The following CNTN3 variants were observed in gnomAD, a reference collection of about 807,000 sequenced individuals.
CNTN3 encodes the protein contactin-3.
A neutral mutation model predicts 119.1 loss-of-function variants in CNTN3; 60 were observed. The ratio of observed to expected loss-of-function variants is 0.50; its 90% CI spans 0.41 to 0.62. The LOEUF (loss-of-function observed/expected upper bound fraction) is 0.62, where lower values mean the gene tolerates loss of function less well. Among genes scored for constraint, CNTN3 ranks in the 20% least tolerant of loss-of-function variants. The probability of loss-of-function intolerance (pLI) is 0.00; values close to 1 mark genes in which losing one functional copy is unlikely to be tolerated. For synonymous variants in CNTN3, 450 were observed against 438.7 expected, an observed-to-expected ratio of 1.03 and a Z score of -0.32; for missense variants, 1,101 against 1,242.4, an observed-to-expected ratio of 0.89 and a Z score of 1.71.
chr3:74,511,776 T>A, intron 2 of CNTN3, among the ~76,000 whole-genome samples: 1 of 152,196 alleles, frequency 6.6e-6, no homozygotes, highest in East Asian at 1.9e-4. Context: ...GACTTGTTTA[T>A]ATATTGTCTA....
chr3:74,477,602 T>G (rs1183513500), intron 4 of CNTN3, among the ~76,000 whole-genome samples: 1 of 151,856 alleles, frequency 6.6e-6, no homozygotes, highest in African/African-American at 2.4e-5. Flanking sequence ...TTAGGGGTGG[T>G]TAGGGAGGTG....
At chr3:74,460,816 TATG>T (rs1702353099) in intron 4 of CNTN3, among the ~76,000 whole-genome samples, 1 of 128,198 alleles carries the variant, frequency 7.8e-6, no homozygotes, top group Non-Finnish European at 1.7e-5. Flanking sequence ...TATATATATA[TATG>T]CCTTTCATTT....
At chr3:74,268,306 T>C (rs763829178) in intron 20 of CNTN3, among the ~76,000 whole-genome samples, 1 of 152,178 alleles carries the variant, frequency 6.6e-6, no homozygotes, top group Admixed American at 6.6e-5. Context: ...ACAAACATAA[T>C]ATTATTCATT....
chr3:74,408,624 T>C (rs1233651840), intron 5 of CNTN3, among the ~76,000 whole-genome samples: 1 of 152,084 alleles, frequency 6.6e-6, no homozygotes, highest in East Asian at 1.9e-4. Context: ...TCACATCTCA[T>C]CTCCCAATTT....
intron 4 of CNTN3, among the ~76,000 whole-genome samples, chr3:74,455,547 C>T (rs1206950419): frequency 1.3e-5 from 2 of 152,144 alleles, no homozygotes; most frequent in Non-Finnish European, 2.9e-5. Flanking sequence ...TGGTGAGGAA[C>T]TGCGATCCTT....
At chr3:74,266,075 A>G (rs1476562606) in intron 22 of CNTN3, among the ~76,000 whole-genome samples, 1 of 152,132 alleles carries the variant, frequency 6.6e-6, no homozygotes, top group Non-Finnish European at 1.5e-5. Flanking sequence ...GACTTTGACA[A>G]TGTTAATCAT....
rs145150396 is a variant in CNTN3 at position 74,434,878 on chromosome 3, A to C, written c.359-9938T>G. ...TCAATGATATGTCCATCAAATTTTG[A>C]TTCAAAACATTCATTTTCTGCATGC... On this transcript the variant is annotated intron_variant, in intron 4 of 22. Transcript: ENST00000263665. Among the ~76,000 whole-genome samples, 1,218 of 152,284 alleles carry C rather than the reference A, an allele frequency of 8.0e-3. 16 individuals are homozygous for C. The highest frequency in any genetic ancestry group is 7.4e-3 in the Non-Finnish European group (501 of 68,036).
At chr3:74,530,536 G>A (rs1191658570) in intron 1 of CNTN3, among the ~76,000 whole-genome samples, 1 of 151,856 alleles carries the variant, frequency 6.6e-6, no homozygotes, top group African/African-American at 2.4e-5. Context: ...AGTGGTCTGG[G>A]ATGATACTAA....
Position 74,371,382 on chromosome 3 carries a change from T to G in CNTN3, c.472A>C (p.Ile158Leu), listed in dbSNP as rs1232805159. The G allele has an allele frequency of 9.3e-6, 15 of 1,612,292 alleles. No homozygotes were observed. Among genetic ancestry groups the G allele is most frequent in the Non-Finnish European group, 1.3e-5 (15 of 1,178,754 alleles). Residue 158 changes from isoleucine (I) to leucine (L), a missense_variant, in exon 6 of 23, where the codon ATC becomes CTC. Transcript: ENST00000263665. ...ACAAACGATGGGTATTCATTGAAGATCCAAGCATATGACAGTTCTAATAAA... is the reference window on the plus strand; with the variant it reads ...ACAAACGATGGGTATTCATTGAAGAGCCAAGCATATGACAGTTCTAATAAA... ...PHSGELSYAWIFNEYPSFVEE... is the reference protein window; with the variant it reads ...PHSGELSYAWLFNEYPSFVEE...
At chr3:74,283,797 G>A (rs914548249) in intron 20 of CNTN3, among the ~76,000 whole-genome samples, 8 of 152,106 alleles carry the variant, frequency 5.3e-5, no homozygotes, top group Middle Eastern at 3.2e-3. Flanking sequence ...TTAGTAAAGA[G>A]TTGTAAATAC....
Position 74,418,342 on chromosome 3 carries a change from C to CTTTTTTTTTTTTTTT in CNTN3, c.454+6488_454+6502dup, listed in dbSNP as rs56258495. On this transcript the variant is annotated intron_variant, in intron 5 of 22. Coordinates refer to ENST00000263665, the MANE Select transcript of CNTN3 (RefSeq NM_020872.3). The stretch of plus-strand genomic sequence containing the variant: ...CATGTCCACTGCAGAAAACATATTC[C>CTTTTTTTTTTTTTTT]TTTTTTTTTTTTTTTTTGAGTCAGA... Among the ~76,000 whole-genome samples, 9 of 99,630 alleles carry CTTTTTTTTTTTTTTT rather than the reference C, an allele frequency of 9.0e-5. 2 individuals carry two copies. Among genetic ancestry groups the CTTTTTTTTTTTTTTT allele is most frequent in the African/African-American group, 1.2e-4 (3 of 25,468 alleles). 65.4% of individuals were successfully genotyped at this position (99,630 alleles called of 152,430 possible).
At chr3:74,596,736 A>T (rs1012004892) in intron 1 of CNTN3, among the ~76,000 whole-genome samples, 5 of 152,144 alleles carry the variant, frequency 3.3e-5, no homozygotes, top group East Asian at 3.9e-4. Flanking sequence ...CAGTATCAAA[A>T]TTGAAATCAG....
At chr3:74,577,007 A>ATACTTGAGGGTGATG (rs2106660981) in intron 1 of CNTN3, among the ~76,000 whole-genome samples, 1 of 152,268 alleles carries the variant, frequency 6.6e-6, no homozygotes, top group Admixed American at 6.5e-5. Context: ...TCTTCTTACC[A>ATACTTGAGGGTGATG]TACTTGAGGG....
intron 1 of CNTN3, among the ~76,000 whole-genome samples, chr3:74,592,346 T>G (rs1372184608): frequency 6.6e-6 from 1 of 151,908 alleles, no homozygotes; most frequent in African/African-American, 2.4e-5. Flanking sequence ...TCACCATTAC[T>G]GACTGCAATA....
At chr3:74,450,785 A>G (rs1321821838) in intron 4 of CNTN3, among the ~76,000 whole-genome samples, 1 of 150,894 alleles carries the variant, frequency 6.6e-6, no homozygotes, top group Non-Finnish European at 1.5e-5. Context: ...TTCTTGTGAT[A>G]GTTTACTGAG....
chr3:74,471,632 G>A lies in CNTN3; in HGVS notation c.358+14824C>T, dbSNP rs534283070. ...TACATAAACTTGAACTGTCTAGGCT[G>A]TGACCACTTCTGCCAACTCATCTCA... On this transcript the variant is annotated intron_variant, in intron 4 of 22. Transcript: ENST00000263665. Among the ~76,000 whole-genome samples the A allele has an allele frequency of 4.5e-4, 68 of 152,296 alleles. 1 individual carries two copies. The highest frequency in any genetic ancestry group is 7.8e-4 in the Non-Finnish European group (53 of 68,026).
chr3:74,369,858 A>G, intron 7 of CNTN3, 31 bp downstream of exon 7: 1 of 1,134,822 alleles, frequency 8.8e-7, no homozygotes, highest in Admixed American at 1.9e-5. Context: ...CTAATATTTC[A>G]GCACATAGGA....
At chr3:74,531,400 T>C (rs143204504) in intron 1 of CNTN3, among the ~76,000 whole-genome samples, 17 of 151,982 alleles carry the variant, frequency 1.1e-4, no homozygotes, top group Admixed American at 3.3e-4. Flanking sequence ...CCATGTACAG[T>C]TATAGACAGG....
chr3:74,299,045 A>T (rs891155788), intron 17 of CNTN3, among the ~76,000 whole-genome samples: 1 of 152,112 alleles, frequency 6.6e-6, no homozygotes, highest in African/African-American at 2.4e-5. Flanking sequence ...CGTCTCTACT[A>T]AAAATACAAA....
Sources: gnomAD v4.1 joint callset for allele counts (sites outside exome capture counted in the v4.1 genomes callset) on GRCh38, gnomAD v4.1.1 for gene constraint, MANE v1.5 for transcripts, NCBI Gene and HGNC (gene_info 2026-07-23, HGNC 2026-07-21) for gene names.